The following CCDC73 variants were observed in gnomAD, a reference collection of about 807,000 sequenced individuals.
The protein encoded by CCDC73 is coiled-coil domain containing 73.
In CCDC73, 95 loss-of-function variants were observed where a neutral mutation model predicts 116.5. The observed-to-expected ratio is 0.82, with a 90% CI of 0.69 to 0.97. The LOEUF (loss-of-function observed/expected upper bound fraction) is 0.97. Among genes scored for constraint, CCDC73 ranks in the 50% least tolerant of loss-of-function variants. The probability of loss-of-function intolerance (pLI) is 0.00; values close to 1 mark genes in which losing one functional copy is unlikely to be tolerated. For synonymous variants in CCDC73, 398 were observed against 401.3 expected, an observed-to-expected ratio of 0.99 and a Z score of 0.10; for missense variants, 1,066 against 1,206.8, an observed-to-expected ratio of 0.88 and a Z score of 1.73.
chr11:32,783,873 C>G (rs1053767593), intron 1 of CCDC73, among the ~76,000 whole-genome samples: 2 of 152,126 alleles, frequency 1.3e-5, no homozygotes, highest in Non-Finnish European at 2.9e-5. Flanking sequence ...GACACCTGTA[C>G]GAAGACAGAG....
intron 2 of CCDC73, among the ~76,000 whole-genome samples, chr11:32,744,207 C>T (rs1279129639): frequency 6.6e-6 from 1 of 152,176 alleles, no homozygotes; most frequent in African/African-American, 2.4e-5. Flanking sequence ...TGATAGATTA[C>T]ATTTATTGAT....
intron 2 of CCDC73, among the ~76,000 whole-genome samples, chr11:32,719,486 C>G (rs937321301): frequency 1.1e-4 from 16 of 152,096 alleles, no homozygotes; most frequent in African/African-American, 3.4e-4. Flanking sequence ...ACACACTAAA[C>G]AAAGACAAGA....
chr11:32,649,907 A>T (rs912834123), intron 12 of CCDC73, among the ~76,000 whole-genome samples: 4 of 152,184 alleles, frequency 2.6e-5, no homozygotes, highest in African/African-American at 9.6e-5. Context: ...TTTTGACAAT[A>T]CTTTAAAATT....
At chr11:32,794,999 GT>G, upstream of CCDC73, among the ~76,000 whole-genome samples, 1 of 151,004 alleles carries the variant, frequency 6.6e-6, no homozygotes, top group South Asian at 2.1e-4. Context: ...CGATATATTC[GT>G]TTTTTAAAAA....
chr11:32,624,683 C>T (rs1855554163), intron 14 of CCDC73, among the ~76,000 whole-genome samples: 1 of 152,128 alleles, frequency 6.6e-6, no homozygotes, highest in African/African-American at 2.4e-5. Flanking sequence ...GGTATATACC[C>T]AAAGGATTAT....
At chr11:32,750,708 G>C (rs1276811595) in intron 2 of CCDC73, among the ~76,000 whole-genome samples, 1 of 152,146 alleles carries the variant, frequency 6.6e-6, no homozygotes, top group Non-Finnish European at 1.5e-5. Flanking sequence ...CTTCAGGACA[G>C]TGGGCTCCCC....
At chr11:32,628,317 C>T (rs928343541) in intron 14 of CCDC73, among the ~76,000 whole-genome samples, 4 of 152,160 alleles carry the variant, frequency 2.6e-5, no homozygotes, top group Non-Finnish European at 5.9e-5. Context: ...GGAAGACAAA[C>T]ATCGGAATTT....
chr11:32,721,717 C>A (rs542502098), intron 2 of CCDC73, among the ~76,000 whole-genome samples: 1 of 63,922 alleles, frequency 1.6e-5, no homozygotes, highest in Non-Finnish European at 3.2e-5. Flanking sequence ...CCTCAGCCTC[C>A]CGAGTAGCTG....
At chr11:32,663,464 C>A (rs1225515751) in intron 9 of CCDC73, among the ~76,000 whole-genome samples, 1 of 152,176 alleles carries the variant, frequency 6.6e-6, no homozygotes, top group African/African-American at 2.4e-5. Context: ...GGAGTTCACT[C>A]ATGATTTGGC....
At chr11:32,686,710 A>G (rs1216932138) in intron 6 of CCDC73, among the ~76,000 whole-genome samples, 2 of 152,170 alleles carry the variant, frequency 1.3e-5, no homozygotes, top group Non-Finnish European at 1.5e-5. Flanking sequence ...TTCTTTCTCA[A>G]TTACAATCCA....
chr11:32,690,865 C>T (rs1590596144), intron 6 of CCDC73, among the ~76,000 whole-genome samples: 1 of 152,102 alleles, frequency 6.6e-6, no homozygotes, highest in South Asian at 2.1e-4. Context: ...ACACTGACAT[C>T]GTTATCACCC....
intron 17 of CCDC73, among the ~76,000 whole-genome samples, chr11:32,610,918 A>G (rs922869469): frequency 6.6e-6 from 1 of 152,218 alleles, no homozygotes; most frequent in Non-Finnish European, 1.5e-5. Context: ...CTCCTTCCCC[A>G]AACAGGCTGG....
At chr11:32,805,062 A>G in the CCDC73 span, among the ~76,000 whole-genome samples, 1 of 152,204 alleles carries the variant, frequency 6.6e-6, no homozygotes, top group Non-Finnish European at 1.5e-5. Context: ...TATCTCTGCA[A>G]TCATTGATAC....
At chr11:32,793,897 C>A (rs927815611) in intron 1 of CCDC73, among the ~76,000 whole-genome samples, 15 of 152,134 alleles carry the variant, frequency 9.9e-5, no homozygotes, top group Non-Finnish European at 1.5e-4. Context: ...AGATGTGAGC[C>A]ACCGCCCCGA....
chr11:32,803,983 T>C, the CCDC73 span, among the ~76,000 whole-genome samples: 2 of 152,038 alleles, frequency 1.3e-5, no homozygotes, highest in Non-Finnish European at 2.9e-5. Context: ...ATTTTTTTTT[T>C]ATTTTTAGTA....
At chr11:32,737,492 C>G (rs937029679) in intron 2 of CCDC73, among the ~76,000 whole-genome samples, 1 of 152,014 alleles carries the variant, frequency 6.6e-6, no homozygotes, top group Non-Finnish European at 1.5e-5. Flanking sequence ...GTGGCACAAA[C>G]CTGTTATCCC....
At chr11:32,731,941 T>A (rs897337268) in intron 2 of CCDC73, among the ~76,000 whole-genome samples, 5 of 152,160 alleles carry the variant, frequency 3.3e-5, no homozygotes, top group African/African-American at 1.2e-4. Flanking sequence ...GAAGAAGGCT[T>A]CAGAAGATCA....
intron 13 of CCDC73, among the ~76,000 whole-genome samples, chr11:32,639,246 GATTT>G (rs1266779613): frequency 4.0e-5 from 6 of 151,866 alleles, no homozygotes; most frequent in South Asian, 2.1e-4. Context: ...TAAAGAAAAT[GATTT>G]ATTTTGTGCT....
chr11:32,759,082 T>C (rs1450508853), intron 2 of CCDC73, among the ~76,000 whole-genome samples: 3 of 152,030 alleles, frequency 2.0e-5, no homozygotes, highest in African/African-American at 7.2e-5. Context: ...AGAAAGTCAG[T>C]AAATTCTATT....
Sources: gnomAD v4.1 joint callset for allele counts (sites outside exome capture counted in the v4.1 genomes callset) on GRCh38, gnomAD v4.1.1 for gene constraint, MANE v1.5 for transcripts, NCBI Gene and HGNC (gene_info 2026-07-23, HGNC 2026-07-21) for gene names.